The following DISP1 variants were observed in gnomAD, a reference collection of about 807,000 sequenced individuals.
The protein encoded by DISP1 is dispatched RND transporter family member 1.
A neutral mutation model predicts 37.3 loss-of-function variants in DISP1; 30 were observed. That is an observed-to-expected ratio of 0.80 (90% CI 0.60 to 1.09). The LOEUF (loss-of-function observed/expected upper bound fraction) is 1.09. DISP1 is among the 50% of genes least tolerant of loss of function. The probability of loss-of-function intolerance (pLI) is 0.00; values close to 1 mark genes in which losing one functional copy is unlikely to be tolerated. For missense variants in DISP1, 1,598 were observed against 1,879.5 expected (o/e 0.85, Z 2.77); for synonymous variants, 634 against 690.2 (o/e 0.92, Z 1.28).
intron 1 of DISP1, among the ~76,000 whole-genome samples, chr1:222,844,072 A>T (rs1175302325): frequency 2.7e-5 from 4 of 149,810 alleles, no homozygotes; most frequent in African/African-American, 7.3e-5. Context: ...TATTTTTAAA[A>T]CAGCATTTAC....
At chr1:222,927,942 C>A (rs1673178369) in intron 1 of DISP1, among the ~76,000 whole-genome samples, 1 of 152,194 alleles carries the variant, frequency 6.6e-6, no homozygotes, top group Non-Finnish European at 1.5e-5. Flanking sequence ...CATGAACTTT[C>A]TGTCCTAAAA....
chr1:222,954,020 G>T (rs1675420597), intron 3 of DISP1, among the ~76,000 whole-genome samples: 1 of 151,888 alleles, frequency 6.6e-6, no homozygotes, highest in South Asian at 2.1e-4. Flanking sequence ...ATTCGTGCTA[G>T]TTATTTAGCA....
At chr1:222,869,726 T>A (rs1669413443) in intron 1 of DISP1, among the ~76,000 whole-genome samples, 1 of 152,156 alleles carries the variant, frequency 6.6e-6, no homozygotes, top group Non-Finnish European at 1.5e-5. Context: ...ATTTTCTTAA[T>A]CTTTTCTAGC....
At chr1:222,906,681 A>G (rs2841041) in intron 1 of DISP1, among the ~76,000 whole-genome samples, 21,469 of 152,282 alleles carry the variant, frequency 0.14, 1,633 homozygotes, top group East Asian at 0.31. Context: ...TATATGGTCT[A>G]AAAAGAGGAG....
chr1:222,896,387 GGT>G (rs1324965252), intron 1 of DISP1, among the ~76,000 whole-genome samples: 4 of 152,124 alleles, frequency 2.6e-5, no homozygotes, highest in African/African-American at 9.7e-5. Flanking sequence ...GATCACCTGA[GGT>G]CAGGAGTTTG....
intron 3 of DISP1, among the ~76,000 whole-genome samples, chr1:222,950,599 C>CA (rs146782736): frequency 0.1 from 14,020 of 137,522 alleles, 706 homozygotes; most frequent in South Asian, 0.18. Context: ...GACTCCGTCT[C>CA]AAAAAAAAAA....
At chr1:222,848,270 T>C (rs773425283) in intron 1 of DISP1, among the ~76,000 whole-genome samples, 16 of 152,300 alleles carry the variant, frequency 1.1e-4, no homozygotes, top group South Asian at 4.1e-4. Context: ...CTAGAGTGAT[T>C]GTGAGCATTA....
At chr1:222,991,272 A>G (rs1233696482) in intron 5 of DISP1, among the ~76,000 whole-genome samples, 3 of 152,258 alleles carry the variant, frequency 2.0e-5, no homozygotes, top group Non-Finnish European at 2.9e-5. Flanking sequence ...CATGAGTTGG[A>G]AAGATAAACT....
chr1:222,815,687 G>A (rs549724946), intron 1 of DISP1, among the ~76,000 whole-genome samples: 77 of 152,280 alleles, frequency 5.1e-4, no homozygotes, highest in Middle Eastern at 3.4e-3. Context: ...GGGACCGCTC[G>A]AATTCTTGCT....
chr1:222,984,465 T>A (rs1421465550), intron 4 of DISP1, among the ~76,000 whole-genome samples: 1 of 130,846 alleles, frequency 7.6e-6, no homozygotes, highest in Non-Finnish European at 1.6e-5. Flanking sequence ...GAGAGCGTAC[T>A]CATATATGTT....
intron 1 of DISP1, among the ~76,000 whole-genome samples, chr1:222,822,644 T>C (rs1663220900): frequency 6.6e-6 from 1 of 152,212 alleles, no homozygotes; most frequent in Non-Finnish European, 1.5e-5. Context: ...GGCCTCAGTG[T>C]TTCAAATTAT....
intron 8 of DISP1, 76 bp from the exon 9 acceptor site, chr1:223,002,309 G>T: frequency 2.3e-6 from 3 of 1,326,504 alleles, no homozygotes; most frequent in Non-Finnish European, 3.3e-6. Context: ...GATCACCTTA[G>T]TGCAGTCCTT....
intron 4 of DISP1, among the ~76,000 whole-genome samples, chr1:222,987,785 G>A (rs1310908527): frequency 6.6e-6 from 1 of 152,142 alleles, no homozygotes; most frequent in African/African-American, 2.4e-5. Flanking sequence ...GAGAGAAAAT[G>A]AATCCATTTA....
At chr1:222,846,248 T>G (rs1020730924) in intron 1 of DISP1, among the ~76,000 whole-genome samples, 3 of 152,294 alleles carry the variant, frequency 2.0e-5, no homozygotes, top group African/African-American at 7.2e-5. Flanking sequence ...TCCCAGCACT[T>G]TGGGAGGCCA....
intron 2 of DISP1, among the ~76,000 whole-genome samples, chr1:222,936,898 T>TATATAATATGTAA (rs1383282266): frequency 5.1e-5 from 2 of 38,860 alleles, no homozygotes; most frequent in African/African-American, 1.8e-4. Context: ...AATATATTAT[T>TATATAATATGTAA]TATATATAAT....
intron 1 of DISP1, among the ~76,000 whole-genome samples, chr1:222,844,343 A>C (rs775212416): frequency 6.6e-6 from 1 of 152,140 alleles, no homozygotes; most frequent in Non-Finnish European, 1.5e-5. Flanking sequence ...TTTTATAGGG[A>C]AAGAATATGA....
At chr1:222,937,796 CTTTTT>C (rs10714424) in intron 2 of DISP1, among the ~76,000 whole-genome samples, 1 of 56,502 alleles carries the variant, frequency 1.8e-5, no homozygotes, top group Non-Finnish European at 3.2e-5. Context: ...AATAGCTTGC[CTTTTT>C]TTTTTTTTTT....
At chr1:222,930,138 C>G (rs562650120) in intron 2 of DISP1, among the ~76,000 whole-genome samples, 3 of 152,070 alleles carry the variant, frequency 2.0e-5, no homozygotes, top group East Asian at 1.9e-4. Flanking sequence ...ACCAGTGGAG[C>G]CTTTTGGGGA....
intron 3 of DISP1, among the ~76,000 whole-genome samples, chr1:222,945,024 AG>A (rs1474001260): frequency 9.5e-5 from 14 of 147,404 alleles, no homozygotes; most frequent in Non-Finnish European, 4.5e-5. Flanking sequence ...CAAAAAAAAA[AG>A]GGAAAAAAGT....
Sources: allele counts gnomAD v4.1 joint callset (sites outside exome capture counted in the v4.1 genomes callset), GRCh38; gene constraint gnomAD v4.1.1; transcripts MANE v1.5; gene names NCBI Gene and HGNC (gene_info 2026-07-23, HGNC 2026-07-21).